CNTN5: variants seen among roughly 807,000 people sequenced by gnomAD.
CNTN5 encodes contactin 5.
CNTN5 carries 77 observed loss-of-function variants against 129.1 expected under a neutral mutation model. The observed-to-expected ratio is 0.60, with a 90% CI of 0.50 to 0.72. The LOEUF (loss-of-function observed/expected upper bound fraction) is 0.72. Ranked by LOEUF, CNTN5 falls within the 30% of genes least tolerant of loss-of-function variation. The pLI, the probability that CNTN5 is intolerant of heterozygous loss-of-function variation, is 0.00. For missense variants in CNTN5, 1,478 were observed against 1,328.8 expected (o/e 1.11, Z -1.75); for synonymous variants, 509 against 465.6 (o/e 1.09, Z -1.20).
chr11:99,631,770 A>G (rs1591389969), intron 3 of CNTN5, among the ~76,000 whole-genome samples: 1 of 152,098 alleles, frequency 6.6e-6, no homozygotes, highest in African/African-American at 2.4e-5. Context: ...GTATAAGATA[A>G]CAGCAAGTAA....
chr11:99,400,363 A>C (rs1186910001), intron 2 of CNTN5, among the ~76,000 whole-genome samples: 1 of 152,138 alleles, frequency 6.6e-6, no homozygotes, highest in Non-Finnish European at 1.5e-5. Context: ...CTGAAGGGTG[A>C]GTTCTATTTA....
intron 2 of CNTN5, among the ~76,000 whole-genome samples, chr11:99,523,051 C>T (rs965388769): frequency 6.6e-6 from 1 of 152,198 alleles, no homozygotes; most frequent in African/African-American, 2.4e-5. Context: ...TATGTTCCAG[C>T]AATACCAAGC....
chr11:99,187,631 A>G (rs1858420980), intron 1 of CNTN5, among the ~76,000 whole-genome samples: 2 of 151,828 alleles, frequency 1.3e-5, no homozygotes, highest in Non-Finnish European at 2.9e-5. Flanking sequence ...AATGGTTTCA[A>G]ATGAACTTAT....
chr11:99,461,028 A>G (rs1944677818), intron 2 of CNTN5, among the ~76,000 whole-genome samples: 1 of 152,152 alleles, frequency 6.6e-6, no homozygotes, highest in Non-Finnish European at 1.5e-5. Flanking sequence ...TTGTATCCAC[A>G]CAACAGAATA....
chr11:100,254,397 C>T (rs528265277), intron 16 of CNTN5, among the ~76,000 whole-genome samples: 9 of 152,244 alleles, frequency 5.9e-5, no homozygotes, highest in Non-Finnish European at 7.4e-5. Flanking sequence ...CTTACCATCT[C>T]GAAAACTTTA....
In CNTN5 at chr11:99,732,263, T is replaced by C. The variant is rs182434549; in HGVS notation, c.56-87281T>C. Among the ~76,000 whole-genome samples the C allele has an allele frequency of 1.6e-3, 220 of 136,244 alleles. 1 individual carries two copies. The highest frequency in any genetic ancestry group is 3.5e-3 in the Admixed American group (52 of 14,740). The allele number at this position is 136,244 out of a possible 152,430, so 89.4% of individuals were successfully genotyped here. On this transcript the variant is annotated intron_variant, in intron 3 of 24. Transcript: ENST00000524871. The stretch of plus-strand genomic sequence containing the variant: ...TAAAGAATTAATGGAATGGAAGTAA[T>C]AGAGTTAGTGAGCTGGAATGATATC...
chr11:100,262,254 C>G (rs988018459), intron 17 of CNTN5, among the ~76,000 whole-genome samples: 4 of 152,102 alleles, frequency 2.6e-5, no homozygotes, highest in African/African-American at 9.7e-5. Flanking sequence ...CCATCTCATG[C>G]CAGTTAGAAT....
chr11:99,334,976 A>T (rs957042837), intron 2 of CNTN5, among the ~76,000 whole-genome samples: 2 of 152,166 alleles, frequency 1.3e-5, no homozygotes, highest in Non-Finnish European at 2.9e-5. Flanking sequence ...CCAAATAGAC[A>T]TGCTTGAAAC....
intron 3 of CNTN5, among the ~76,000 whole-genome samples, chr11:99,757,123 G>A (rs1334161185): frequency 6.6e-6 from 1 of 151,980 alleles, no homozygotes; most frequent in African/African-American, 2.4e-5. Flanking sequence ...GAAGGCACTA[G>A]GGCAAAATGT....
rs143949451 is a variant in CNTN5 at position 99,683,122 on chromosome 11, C to G, written c.55+126853C>G. On this transcript the variant is annotated intron_variant, in intron 3 of 24. Coordinates refer to ENST00000524871, the MANE Select transcript of CNTN5 (RefSeq NM_014361.4). ...GACTACATGACTAGTATTTTTACTT[C>G]TACAGTAGTATATTTTGATAATAAA... Among the ~76,000 whole-genome samples the G allele has an allele frequency of 3.1e-3, 470 of 151,878 alleles. 6 individuals are homozygous for G. The highest frequency in any genetic ancestry group is 0.011 in the African/African-American group (440 of 41,430).
chr11:100,348,591 C>T (rs995069113), intron 23 of CNTN5, among the ~76,000 whole-genome samples: 1 of 151,946 alleles, frequency 6.6e-6, no homozygotes, highest in African/African-American at 2.4e-5. Context: ...CTAAAATAAT[C>T]ACTCCCCTGC....
intron 1 of CNTN5, among the ~76,000 whole-genome samples, chr11:99,141,441 T>A (rs1206735109): frequency 6.6e-6 from 1 of 152,192 alleles, no homozygotes; most frequent in Non-Finnish European, 1.5e-5. Flanking sequence ...GGTCTATCAA[T>A]CTTATTCATT....
chr11:100,152,320 T>C (rs529980776), intron 13 of CNTN5, among the ~76,000 whole-genome samples: 1 of 152,250 alleles, frequency 6.6e-6, no homozygotes, highest in African/African-American at 2.4e-5. Flanking sequence ...GAGATCTGCT[T>C]AAGTTTGGAA....
chr11:99,891,168 T>C (rs901848345), intron 6 of CNTN5, among the ~76,000 whole-genome samples: 11 of 152,062 alleles, frequency 7.2e-5, no homozygotes, highest in African/African-American at 2.7e-4. Context: ...TATATAAAAT[T>C]GGTTGATTAT....
chr11:99,911,794 A>T (rs1175518360), intron 6 of CNTN5, among the ~76,000 whole-genome samples: 1 of 151,596 alleles, frequency 6.6e-6, no homozygotes, highest in Non-Finnish European at 1.5e-5. Context: ...TTCTCTGCCA[A>T]CTCTATTACC....
chr11:99,699,548 T>A (rs570424343), intron 3 of CNTN5, among the ~76,000 whole-genome samples: 68 of 151,626 alleles, frequency 4.5e-4, no homozygotes, highest in African/African-American at 1.6e-3. Flanking sequence ...TCTGATTTTT[T>A]ATCTATAAAA....
At chr11:99,748,658 TC>T (rs1944136750) in intron 3 of CNTN5, among the ~76,000 whole-genome samples, 2 of 152,050 alleles carry the variant, frequency 1.3e-5, no homozygotes, top group Admixed American at 1.3e-4. Flanking sequence ...CACTTTGGAG[TC>T]CCAGAGTCTG....
At chr11:99,954,896 C>T (rs1011128643) in intron 7 of CNTN5, among the ~76,000 whole-genome samples, 3 of 151,980 alleles carry the variant, frequency 2.0e-5, no homozygotes, top group Non-Finnish European at 2.9e-5. Flanking sequence ...TTTTTGAGTC[C>T]CCAAATACTT....
At chr11:99,929,605 A>G (rs1336027929) in intron 7 of CNTN5, among the ~76,000 whole-genome samples, 1 of 152,184 alleles carries the variant, frequency 6.6e-6, no homozygotes, top group Non-Finnish European at 1.5e-5. Context: ...AGCAAGGAAA[A>G]GTGCTGGGCA....
Sources: gnomAD v4.1 joint callset for allele counts (sites outside exome capture counted in the v4.1 genomes callset) on GRCh38, gnomAD v4.1.1 for gene constraint, MANE v1.5 for transcripts, NCBI Gene and HGNC (gene_info 2026-07-23, HGNC 2026-07-21) for gene names.